Variants in IL32 observed in about 807,000 individuals in gnomAD.
IL32 encodes the protein interleukin-32.
A neutral mutation model predicts 16.6 loss-of-function variants in IL32; 30 were observed. The observed-to-expected ratio is 1.81, with a 90% confidence interval of 1.35 to 2.45. The LOEUF is 2.45. Ranked by LOEUF, IL32 falls within the 30% of genes most tolerant of loss-of-function variation. The pLI is 0.00. For missense variants in IL32, 234 were observed against 229.8 expected (o/e 1.02, Z -0.12); for synonymous variants, 70 against 86.1 (o/e 0.81, Z 1.03).
intron 6 of IL32, 34 bp from the exon 7 acceptor site, chr16:3,068,956 C>G (rs1407212693): frequency 1.9e-6 from 3 of 1,598,350 alleles, no homozygotes; most frequent in Non-Finnish European, 2.6e-6. Context: ...GACACCCCCA[C>G]CTACAGACCC....
chr16:3,066,419 T>A (rs114474736), intron 2 of IL32, among the ~76,000 whole-genome samples: 1,560 of 152,346 alleles, frequency 0.01, 36 homozygotes, highest in African/African-American at 0.036. Context: ...GCTAGCGGGA[T>A]GGGACCATCG....
chr16:3,067,135 G>GAGGGGTCACCTAGGCCCACGCAGGC (rs1956429480), intron 2 of IL32, among the ~76,000 whole-genome samples: 4 of 151,330 alleles, frequency 2.6e-5, no homozygotes, highest in Non-Finnish European at 5.9e-5. Context: ...CTGCTCTTGG[G>GAGGGGTCACCTAGGCCCACGCAGGC]CCTGCCCAGC....
chr16:3,068,002 G>C lies in IL32; in HGVS notation c.133G>C (p.Glu45Gln). Residue 45 changes from glutamate (E) to glutamine (Q), a missense_variant, in exon 5 of 7, where the codon GAG becomes CAG. Coordinates refer to ENST00000525643, the MANE Select transcript of IL32 (RefSeq NM_001376923.1). ...CTAACAGGTGATGTCGAGCCTGGCA[G>C]AGCTGGAGGTGAGCCGTGGCCTCCC... The part of the protein sequence containing the change: ...GRGQVMSSLA[E>Q]LEDDFKEGYL... 6.2e-7 allele frequency: 1 copy of C among 1,614,162 alleles called. No individual in the cohort carries two copies. Among genetic ancestry groups the C allele is most frequent in the Non-Finnish European group, 8.5e-7 (1 of 1,180,004 alleles).
chr16:3,068,101 T>A (rs1395950215), intron 5 of IL32, 79 bp from the exon 6 acceptor site: 1 of 1,604,062 alleles, frequency 6.2e-7, no homozygotes, highest in Non-Finnish European at 8.5e-7. Flanking sequence ...CCCTTGGGAA[T>A]CACCTGGACC....
intron 2 of IL32, among the ~76,000 whole-genome samples, chr16:3,066,887 GT>G (rs1416032782): frequency 1.1e-4 from 16 of 144,834 alleles, no homozygotes; most frequent in Middle Eastern, 4.9e-3. Context: ...ATGGGGGGGT[GT>G]GTGTGTGCAG....
In IL32 at chr16:3,068,258, T is replaced by G; in HGVS notation, c.201+19T>G. On this transcript the variant is annotated intron_variant, in intron 6 of 6. Transcript: ENST00000525643. ...GCACCCAGTGAGTATGACACACCCA[T>G]CTGGGCACCTTGCCTTCCTTCACCT... The G allele has an allele frequency of 6.3e-7, 1 of 1,576,804 alleles. No individual in the cohort carries two copies. The highest frequency in any genetic ancestry group is 8.6e-7 in the Non-Finnish European group (1 of 1,159,062).
Position 3,068,183 on chromosome 16 carries a change from G to T in IL32, c.145G>T (p.Asp49Tyr), listed in dbSNP as rs142297204. 2.5e-6 allele frequency: 4 copies of T among 1,603,950 alleles called. No individual in the cohort carries two copies. Among genetic ancestry groups the T allele is most frequent in the South Asian group, 1.1e-5 (1 of 89,546 alleles). Residue 49 changes from aspartate to tyrosine, a missense_variant, in exon 6 of 7, where the codon GAC becomes TAC. Coordinates refer to ENST00000525643, the MANE Select transcript of IL32 (RefSeq NM_001376923.1). ...CCCTGTGCCCTCCTCTCCCCAGGAC[G>T]ACTTCAAAGAGGGCTACCTGGAGAC... ...VMSSLAELED[D>Y]FKEGYLETVA...
upstream of IL32, chr16:3,065,442 C>T: frequency 5.9e-6 from 2 of 338,814 alleles, no homozygotes; most frequent in East Asian, 7.0e-5. Flanking sequence ...AGGGGCCCAG[C>T]CAGGGACGGA....
chr16:3,068,462 C>T (rs912467461), intron 6 of IL32: 1 of 555,682 alleles, frequency 1.8e-6, no homozygotes, highest in Non-Finnish European at 3.2e-6. Context: ...CCCGCCACCA[C>T]TCCAGGCTGA....
At position 3,067,995 on chromosome 16, in the gene IL32, C is replaced by G. The variant is rs375511525; in HGVS notation, c.126C>G (p.Ser42Arg). 6.2e-7 allele frequency: 1 copy of G among 1,614,100 alleles called. No homozygotes were observed. Among genetic ancestry groups the G allele is most frequent in the South Asian group, 1.1e-5 (1 of 91,088 alleles). ...TTTGTTCCTAACAGGTGATGTCGAGCCTGGCAGAGCTGGAGGTGAGCCGTG... is the reference window on the plus strand; with the variant it reads ...TTTGTTCCTAACAGGTGATGTCGAGGCTGGCAGAGCTGGAGGTGAGCCGTG... The part of the protein sequence containing the change: ...AESGRGQVMS[S>R]LAELEDDFKE... Residue 42 changes from serine to arginine, a missense_variant, in exon 5 of 7, where the codon AGC becomes AGG. Ser to Arg is a moderately radical substitution (Grantham distance 110). Transcript: ENST00000525643.
intron 6 of IL32, chr16:3,068,736 G>A (rs921176254): frequency 9.1e-5 from 50 of 552,430 alleles, no homozygotes; most frequent in Middle Eastern, 5.0e-4. Context: ...CAGTGGCACA[G>A]CCCTCAAGGC....
chr16:3,067,752 T>C, intron 4 of IL32, 139 bp downstream of exon 4: 2 of 849,900 alleles, frequency 2.4e-6, no homozygotes, highest in African/African-American at 1.7e-5. Context: ...TGCTTGCACC[T>C]GGGTGGCAGT....
At chr16:3,067,277 G>GTCTC (rs1011998596) in intron 2 of IL32, 100 bp from the exon 3 acceptor site, 161 of 283,402 alleles carry the variant, frequency 5.7e-4, no homozygotes, top group Middle Eastern at 1.7e-3. Context: ...GTCTCTGTGT[G>GTCTC]TGTGTGTGTG....
rs1330232711 is a variant in IL32 at position 3,068,920 on chromosome 16, C to A, written c.202-70C>A. Reference sequence around the variant, plus strand: ...CCAGGGTCAGGAAAAGGCTGAGAGGCCTGGGTGTGGCCAGGGCCTGGGGCT... The same window carrying A: ...CCAGGGTCAGGAAAAGGCTGAGAGGACTGGGTGTGGCCAGGGCCTGGGGCT... On this transcript the variant is annotated intron_variant, in intron 6 of 6. Coordinates refer to ENST00000525643, the MANE Select transcript of IL32 (RefSeq NM_001376923.1). 3.7e-6 allele frequency: 6 copies of A among 1,602,148 alleles called. No individual in the cohort carries two copies. The East Asian group carries it at 1.3e-4, about 36-fold the overall frequency.
In IL32 at chr16:3,065,834, A is replaced by G. The variant is rs1956248938; in HGVS notation, c.15+8A>G. 1.2e-6 allele frequency: 2 copies of G among 1,614,012 alleles called. No individual in the cohort carries two copies. Among genetic ancestry groups the G allele is most frequent in the Non-Finnish European group, 1.7e-6 (2 of 1,180,014 alleles). Reference sequence around the variant, plus strand: ...GCCATGTGCTTCCCGAAGGTGAGTGAGAGGCTGCGTGTGCTTTTGTGGGCA... The same window carrying G: ...GCCATGTGCTTCCCGAAGGTGAGTGGGAGGCTGCGTGTGCTTTTGTGGGCA... On this transcript the variant is annotated splice_region_variant and intron_variant, in intron 2 of 6. Transcript: ENST00000525643.
chr16:3,066,717 A>G (rs1956350328), intron 2 of IL32, among the ~76,000 whole-genome samples: 1 of 152,104 alleles, frequency 6.6e-6, no homozygotes, highest in Non-Finnish European at 1.5e-5. Context: ...CCCAAATATT[A>G]ATCAGCTCAT....
chr16:3,067,876 G>T, intron 4 of IL32, 108 bp from the exon 5 acceptor site: 1 of 1,348,180 alleles, frequency 7.4e-7, no homozygotes, highest in Non-Finnish European at 1.1e-6. Context: ...CCCTGGCTGG[G>T]CCCAGTTCGG....
chr16:3,066,973 GTGA>G (rs1956391397), intron 2 of IL32, among the ~76,000 whole-genome samples: 5 of 109,436 alleles, frequency 4.6e-5, no homozygotes, highest in African/African-American at 6.7e-5. Context: ...CCCTGCTCTT[GTGA>G]GGAGGGGTCA....
chr16:3,067,646 A>G (rs1177962499), intron 4 of IL32, 33 bp downstream of exon 4: 1 of 1,496,798 alleles, frequency 6.7e-7, no homozygotes, highest in Non-Finnish European at 9.3e-7. Flanking sequence ...ACCAGGTCAC[A>G]TGTCCCCGCC....
Sources: gnomAD v4.1 joint callset for allele counts (sites outside exome capture counted in the v4.1 genomes callset) on GRCh38, gnomAD v4.1.1 for gene constraint, MANE v1.5 for transcripts, NCBI Gene and HGNC (gene_info 2026-07-23, HGNC 2026-07-21) for gene names.